ZDHHC14: variants seen among roughly 807,000 people sequenced by gnomAD.
ZDHHC14 encodes palmitoyltransferase ZDHHC14.
In ZDHHC14, 16 loss-of-function variants were observed where a neutral mutation model predicts 47.7. That is an observed-to-expected ratio of 0.34 (90% CI 0.23 to 0.51). The LOEUF is 0.51. Among genes scored for constraint, ZDHHC14 ranks in the 20% least tolerant of loss-of-function variants. The probability of loss-of-function intolerance (pLI) is 0.97; values close to 1 mark genes in which losing one functional copy is unlikely to be tolerated. For missense variants in ZDHHC14, 515 were observed against 662.5 expected (o/e 0.78, Z 2.44); for synonymous variants, 293 against 278.9 (o/e 1.05, Z -0.50).
chr6:157,417,941 G>A lies in ZDHHC14; in HGVS notation c.245+35675G>A, dbSNP rs889181693. Among the ~76,000 whole-genome samples the A allele has an allele frequency of 3.4e-5, 5 of 148,372 alleles. No homozygotes were observed. The East Asian group carries it at 5.9e-4, about 18-fold the overall frequency. On this transcript the variant is annotated intron_variant, in intron 1 of 8. Coordinates refer to ENST00000359775, the MANE Select transcript of ZDHHC14 (RefSeq NM_024630.3). Reference sequence around the variant, plus strand: ...TGCACTCCAGCCTGGGCGACAGAGCGAGAGTCCATCTCAAAAAAAAAAAAA... The same window carrying A: ...TGCACTCCAGCCTGGGCGACAGAGCAAGAGTCCATCTCAAAAAAAAAAAAA...
chr6:157,489,108 G>C (rs78444851), intron 1 of ZDHHC14, among the ~76,000 whole-genome samples: 4,526 of 152,314 alleles, frequency 0.03, 106 homozygotes, highest in Non-Finnish European at 0.047. Flanking sequence ...TTTGCAAATC[G>C]AGGGTGTAAG....
At chr6:157,404,723 T>C (rs896858624) in intron 1 of ZDHHC14, among the ~76,000 whole-genome samples, 1 of 152,212 alleles carries the variant, frequency 6.6e-6, no homozygotes, top group African/African-American at 2.4e-5. Flanking sequence ...TGGGTCCTTG[T>C]CTTTGGTTAG....
intron 1 of ZDHHC14, among the ~76,000 whole-genome samples, chr6:157,535,710 A>G (rs940900075): frequency 6.6e-6 from 1 of 152,212 alleles, no homozygotes; most frequent in African/African-American, 2.4e-5. Context: ...GGGTCCTGCC[A>G]TCGTGATCTT....
intron 1 of ZDHHC14, among the ~76,000 whole-genome samples, chr6:157,406,577 C>T (rs1256119099): frequency 6.6e-6 from 1 of 152,174 alleles, no homozygotes; most frequent in Non-Finnish European, 1.5e-5. Flanking sequence ...TTATGGGGCA[C>T]CTTCAGGTAA....
chr6:157,663,037 T>A (rs1032943392), intron 8 of ZDHHC14, among the ~76,000 whole-genome samples: 4 of 152,212 alleles, frequency 2.6e-5, no homozygotes, highest in African/African-American at 9.7e-5. Context: ...ACACATATGA[T>A]TACATGGAAA....
chr6:157,494,928 A>G (rs1305980152), intron 1 of ZDHHC14, among the ~76,000 whole-genome samples: 1 of 152,082 alleles, frequency 6.6e-6, no homozygotes, highest in Non-Finnish European at 1.5e-5. Context: ...TCTTGTCTCA[A>G]CCCCTAAAGA....
rs755633554 is a variant in ZDHHC14, at chr6:157,653,641, C to T, written c.1068+14C>T. The stretch of plus-strand genomic sequence containing the variant: ...CAGAGTGACATGGTAGGAGTGGGGG[C>T]CACTGCTCCCTGCGAGGGCTTCCCT... On this transcript the variant is annotated intron_variant, in intron 8 of 8. Coordinates refer to ENST00000359775, the MANE Select transcript of ZDHHC14 (RefSeq NM_024630.3). The T allele has an allele frequency of 6.2e-7, 1 of 1,610,234 alleles. No individual in the cohort carries two copies. The highest frequency in any genetic ancestry group is 1.7e-5 in the Admixed American group (1 of 60,012).
Position 157,381,494 on chromosome 6 carries a change from C to A in ZDHHC14, c.-528C>A. On this transcript the variant is annotated 5_prime_UTR_variant, in exon 1 of 9. Transcript: ENST00000359775. Reference sequence around the variant, plus strand: ...CCGCGCGCGGCCGCCCAGTCGCCAGCGCTCTCTCCTGGGAGGATCCGCTGC... The same window carrying A: ...CCGCGCGCGGCCGCCCAGTCGCCAGAGCTCTCTCCTGGGAGGATCCGCTGC... The A allele has an allele frequency of 2.7e-6, 1 of 375,050 alleles. No individual in the cohort carries two copies. Among genetic ancestry groups the A allele is most frequent in the Admixed American group, 3.0e-5 (1 of 33,636 alleles). The allele number at this position is 375,050 out of a possible 1,614,324, so 23.2% of individuals were successfully genotyped here.
chr6:157,547,948 T>TA lies in ZDHHC14; in HGVS notation c.406+5207dup, dbSNP rs1287836546. 3.3e-5 allele frequency among the ~76,000 whole-genome samples: 5 copies of TA among 152,064 alleles called. No individual in the cohort carries two copies. The East Asian group carries it at 9.7e-4, about 29-fold the overall frequency. On this transcript the variant is annotated intron_variant, in intron 2 of 8. Transcript: ENST00000359775. ...GTCAATATTCACCATAAAATGGCTT[T>TA]AAAATTTGATGGTTTCATTGATTTG...
chr6:157,608,346 T>G (rs1784622663), intron 3 of ZDHHC14, among the ~76,000 whole-genome samples: 1 of 144,906 alleles, frequency 6.9e-6, no homozygotes, highest in Non-Finnish European at 1.5e-5. Flanking sequence ...TGCAAAGAGC[T>G]TAGAGATACC....
At chr6:157,405,219 G>A (rs1307006724) in intron 1 of ZDHHC14, among the ~76,000 whole-genome samples, 2 of 152,250 alleles carry the variant, frequency 1.3e-5, no homozygotes, top group South Asian at 2.1e-4. Context: ...AAGATCCAGC[G>A]CAAAACCTCC....
intron 5 of ZDHHC14, among the ~76,000 whole-genome samples, chr6:157,638,106 C>T (rs1366771005): frequency 5.3e-5 from 8 of 152,056 alleles, no homozygotes; most frequent in African/African-American, 1.9e-4. Flanking sequence ...GAGGTGGAGG[C>T]AGGGGAGTAG....
intron 1 of ZDHHC14, among the ~76,000 whole-genome samples, chr6:157,420,622 G>A (rs1778081033): frequency 6.6e-6 from 1 of 152,216 alleles, no homozygotes; most frequent in Non-Finnish European, 1.5e-5. Flanking sequence ...GTGCGACTGA[G>A]TGGCCTCGGT....
intron 2 of ZDHHC14, among the ~76,000 whole-genome samples, chr6:157,550,053 A>G (rs1262244123): frequency 6.6e-6 from 1 of 152,188 alleles, no homozygotes; most frequent in Non-Finnish European, 1.5e-5. Context: ...GGTCCTCTAG[A>G]GAGCTTTGTG....
At chr6:157,434,986 T>TA (rs1778410743) in intron 1 of ZDHHC14, among the ~76,000 whole-genome samples, 2 of 152,164 alleles carry the variant, frequency 1.3e-5, no homozygotes, top group African/African-American at 4.8e-5. Context: ...CAGGGAGACT[T>TA]ATTTGTTTTG....
intron 1 of ZDHHC14, among the ~76,000 whole-genome samples, chr6:157,464,133 A>G (rs928786352): frequency 2.0e-5 from 3 of 152,256 alleles, no homozygotes; most frequent in African/African-American, 7.2e-5. Context: ...TCCATGTTTA[A>G]GTATTTAATC....
chr6:157,428,236 C>T (rs923362905), intron 1 of ZDHHC14, among the ~76,000 whole-genome samples: 17 of 152,180 alleles, frequency 1.1e-4, no homozygotes, highest in Admixed American at 7.2e-4. Context: ...GGGCTGCACA[C>T]ACACCACAGA....
At chr6:157,562,757 A>T (rs946463332) in intron 2 of ZDHHC14, among the ~76,000 whole-genome samples, 1 of 152,118 alleles carries the variant, frequency 6.6e-6, no homozygotes, top group Non-Finnish European at 1.5e-5. Flanking sequence ...ATATCCTCAC[A>T]TATATAGGGA....
chr6:157,573,691 C>T (rs940918692), intron 2 of ZDHHC14, among the ~76,000 whole-genome samples: 7 of 152,206 alleles, frequency 4.6e-5, no homozygotes, highest in African/African-American at 1.7e-4. Flanking sequence ...GCACGTGGTC[C>T]AAGCATTCTG....
Sources: gnomAD v4.1 joint callset for allele counts (sites outside exome capture counted in the v4.1 genomes callset) on GRCh38, gnomAD v4.1.1 for gene constraint, MANE v1.5 for transcripts, NCBI Gene and HGNC (gene_info 2026-07-23, HGNC 2026-07-21) for gene names.